The following PLEKHG1 variants were observed in gnomAD, a reference collection of about 807,000 sequenced individuals.
The protein encoded by PLEKHG1 is pleckstrin homology domain-containing family G member 1.
In PLEKHG1, 44 loss-of-function variants were observed where a neutral mutation model predicts 100.8. The observed-to-expected ratio is 0.44, with a 90% CI of 0.34 to 0.56. The LOEUF is 0.56. Among genes scored for constraint, PLEKHG1 ranks in the 20% least tolerant of loss-of-function variants. The pLI is 0.01. For missense variants in PLEKHG1, 1,545 were observed against 1,720.9 expected (o/e 0.90, Z 1.81); for synonymous variants, 640 against 662.5 (o/e 0.97, Z 0.52).
chr6:150,836,567 A>G (rs1384751981), intron 15 of PLEKHG1, among the ~76,000 whole-genome samples: 1 of 152,070 alleles, frequency 6.6e-6, no homozygotes, highest in Non-Finnish European at 1.5e-5. Context: ...GTGTAATCCT[A>G]GCACTTTGAG....
chr6:150,710,801 T>C (rs1218107452), intron 3 of PLEKHG1, among the ~76,000 whole-genome samples: 2 of 152,140 alleles, frequency 1.3e-5, no homozygotes, highest in Non-Finnish European at 2.9e-5. Flanking sequence ...TTGGCTGGTT[T>C]CCCCTGGTTG....
intron 2 of PLEKHG1, among the ~76,000 whole-genome samples, chr6:150,746,826 A>C (rs1488876931): frequency 6.6e-6 from 1 of 152,228 alleles, no homozygotes; most frequent in Non-Finnish European, 1.5e-5. Flanking sequence ...CAGACAGTGT[A>C]ATGGGAGGGA....
At chr6:150,814,303 A>G (rs1456630806) in intron 10 of PLEKHG1, among the ~76,000 whole-genome samples, 2 of 152,240 alleles carry the variant, frequency 1.3e-5, no homozygotes, top group East Asian at 3.8e-4. Context: ...TCTGAAAGGC[A>G]GTTACAAAAT....
chr6:150,776,403 A>T (rs112383010), intron 3 of PLEKHG1, among the ~76,000 whole-genome samples: 1 of 143,526 alleles, frequency 7.0e-6, no homozygotes, highest in Non-Finnish European at 1.5e-5. Flanking sequence ...GCACATGTGC[A>T]GTTGCACATT....
intron 3 of PLEKHG1, among the ~76,000 whole-genome samples, chr6:150,686,445 G>A (rs1448850158): frequency 6.6e-6 from 1 of 152,208 alleles, no homozygotes; most frequent in Non-Finnish European, 1.5e-5. Flanking sequence ...TGAGAAAAGA[G>A]AAATAGGTAT....
Position 150,831,335 on chromosome 6 carries a change from T to C in PLEKHG1, c.2224T>C (p.Tyr742His). The change falls in exon 15 of 16, where the codon TAT (tyrosine) becomes CAT (histidine). Residue 742 changes from tyrosine (Y) to histidine (H), a missense_variant. Transcript: ENST00000358517. The surrounding 1 kb of genome is among the most constrained non-coding windows in gnomAD (Gnocchi z 4.1). ...ACTCCAAGCGGTTGAGGAGAACATC[T>C]ATGACACCATAGGGCTCCCAGATCC... The C allele has an allele frequency of 6.2e-7, 1 of 1,614,112 alleles. No homozygotes were observed. Among genetic ancestry groups the C allele is most frequent in the Non-Finnish European group, 8.5e-7 (1 of 1,180,006 alleles).
upstream of PLEKHG1, among the ~76,000 whole-genome samples, chr6:150,717,758 A>T (rs1182264223): frequency 1.3e-5 from 2 of 152,182 alleles, no homozygotes; most frequent in African/African-American, 4.8e-5. Context: ...TGTGCATTTT[A>T]TCTGTGGCCA....
chr6:150,648,266 C>T (rs532003725), intron 2 of PLEKHG1, among the ~76,000 whole-genome samples: 35 of 152,184 alleles, frequency 2.3e-4, no homozygotes, highest in African/African-American at 7.7e-4. Context: ...TATTCAACCT[C>T]GTCACCTGCT....
intron 2 of PLEKHG1, among the ~76,000 whole-genome samples, chr6:150,649,050 C>CT (rs910624755): frequency 4.7e-4 from 71 of 150,996 alleles, no homozygotes; most frequent in African/African-American, 1.2e-3. Flanking sequence ...CAGAATCCTG[C>CT]TTTTTTTTTA....
intron 1 of PLEKHG1, among the ~76,000 whole-genome samples, chr6:150,733,335 A>G (rs145026951): frequency 6.6e-6 from 1 of 152,170 alleles, no homozygotes. Flanking sequence ...GGATTTTATT[A>G]AAGTGCACAC....
intron 2 of PLEKHG1, among the ~76,000 whole-genome samples, chr6:150,760,317 A>G (rs1784082898): frequency 6.6e-6 from 1 of 152,158 alleles, no homozygotes; most frequent in Non-Finnish European, 1.5e-5. Context: ...CTGCTTCCTT[A>G]CCTGGCCTGG....
intron 2 of PLEKHG1, among the ~76,000 whole-genome samples, chr6:150,742,704 C>T (rs567022386): frequency 2.0e-5 from 3 of 152,132 alleles, no homozygotes; most frequent in East Asian, 1.9e-4. Flanking sequence ...ACCTCCAACA[C>T]GGGGAATTAC....
At chr6:150,727,029 C>A (rs1158237017) in intron 1 of PLEKHG1, among the ~76,000 whole-genome samples, 2 of 152,184 alleles carry the variant, frequency 1.3e-5, no homozygotes, top group East Asian at 3.8e-4. Flanking sequence ...GTAACTATTT[C>A]TGTATACTTT....
intron 3 of PLEKHG1, among the ~76,000 whole-genome samples, chr6:150,703,116 G>A (rs942345821): frequency 8.5e-5 from 13 of 152,110 alleles, no homozygotes; most frequent in African/African-American, 3.1e-4. Context: ...CTGTCAGGGA[G>A]GCAGGGGAGT....
intron 3 of PLEKHG1, among the ~76,000 whole-genome samples, chr6:150,657,596 G>C (rs1370692182): frequency 6.6e-6 from 1 of 152,170 alleles, no homozygotes; most frequent in Middle Eastern, 3.2e-3. Context: ...GCTTTTAGTT[G>C]TATCAGTTTT....
intron 1 of PLEKHG1, among the ~76,000 whole-genome samples, chr6:150,609,855 C>G (rs557421578): frequency 6.6e-6 from 1 of 152,174 alleles, no homozygotes; most frequent in Non-Finnish European, 1.5e-5. Context: ...GGAGAAAGAA[C>G]GTGTGGGGCT....
intron 3 of PLEKHG1, among the ~76,000 whole-genome samples, chr6:150,711,030 T>A (rs1781224489): frequency 6.6e-6 from 1 of 152,182 alleles, no homozygotes; most frequent in African/African-American, 2.4e-5. Flanking sequence ...CGCAGCGATG[T>A]TGATGTACCT....
intron 2 of PLEKHG1, among the ~76,000 whole-genome samples, chr6:150,748,352 A>C (rs1480475731): frequency 6.6e-6 from 1 of 152,258 alleles, no homozygotes; most frequent in African/African-American, 2.4e-5. Flanking sequence ...ACCAAGTTTT[A>C]GAACTGGAAA....
In PLEKHG1 at chr6:150,824,825, C is replaced by T. The variant is rs543199556; in HGVS notation, c.1470+1149C>T. On this transcript the variant is annotated intron_variant, in intron 14 of 15. Transcript: ENST00000358517. ...GATTACAGGCATGAACCACCACACCCGGCTGAACATAATCTTACCTTTAAG... is the reference window on the plus strand; with the variant it reads ...GATTACAGGCATGAACCACCACACCTGGCTGAACATAATCTTACCTTTAAG... Among the ~76,000 whole-genome samples the T allele has an allele frequency of 2.6e-5, 4 of 152,280 alleles. No individual in the cohort carries two copies. The South Asian group carries it at 8.3e-4, about 32-fold the overall frequency.
Sources: gnomAD v4.1 joint callset for allele counts (sites outside exome capture counted in the v4.1 genomes callset) on GRCh38, gnomAD v4.1.1 for gene constraint, Gnocchi (gnomAD v3.1) non-coding constraint, MANE v1.5 for transcripts, NCBI Gene and HGNC (gene_info 2026-07-23, HGNC 2026-07-21) for gene names.